The following NDUFAF6 variants were observed in gnomAD, a reference collection of about 807,000 sequenced individuals.
The protein encoded by NDUFAF6 is NADH:ubiquinone oxidoreductase complex assembly factor 6, also known as NADH dehydrogenase (ubiquinone) complex I, assembly factor 6.
In NDUFAF6, 45 loss-of-function variants were observed where a neutral mutation model predicts 40.8. That is an observed-to-expected ratio of 1.10 (90% confidence interval 0.87 to 1.42). The LOEUF is 1.42. Among genes scored for constraint, NDUFAF6 ranks in the 40% most tolerant of loss-of-function variants. The pLI is 0.00. For missense variants in NDUFAF6, 435 were observed against 418.5 expected (o/e 1.04, Z -0.34); for synonymous variants, 185 against 155.9 (o/e 1.19, Z -1.39).
chr8:94,955,320 C>T (rs937753779), upstream of NDUFAF6, among the ~76,000 whole-genome samples: 4 of 152,204 alleles, frequency 2.6e-5, no homozygotes, highest in Non-Finnish European at 5.9e-5. Flanking sequence ...CACAGAAAGG[C>T]AAGAAAACGT....
chr8:95,109,777 G>A (rs909232271), intron 4 of NDUFAF6, among the ~76,000 whole-genome samples: 10 of 152,006 alleles, frequency 6.6e-5, no homozygotes, highest in African/African-American at 2.4e-4. Context: ...ACCTAGACTA[G>A]CCCCTGCCTG....
intron 1 of NDUFAF6, among the ~76,000 whole-genome samples, chr8:94,936,699 G>C (rs1219316478): frequency 1.3e-5 from 2 of 152,040 alleles, no homozygotes; most frequent in African/African-American, 2.4e-5. Context: ...GAAATTTGAG[G>C]GGTATATTAG....
At chr8:94,972,885 A>AAGAC (rs1462982347) in intron 1 of NDUFAF6, among the ~76,000 whole-genome samples, 4 of 152,082 alleles carry the variant, frequency 2.6e-5, no homozygotes, top group Non-Finnish European at 4.4e-5. Context: ...ACGACAGAGC[A>AAGAC]AGACACTGTC....
intron 1 of NDUFAF6, among the ~76,000 whole-genome samples, chr8:94,904,367 A>C: frequency 1.0e-5 from 1 of 100,106 alleles, no homozygotes; most frequent in Non-Finnish European, 1.8e-5. Context: ...TAGTAAAGAC[A>C]GGGTTTCACC....
chr8:95,060,475 C>G (rs1832544278), downstream of NDUFAF6, among the ~76,000 whole-genome samples: 1 of 152,188 alleles, frequency 6.6e-6, no homozygotes, highest in Non-Finnish European at 1.5e-5. Flanking sequence ...TATTCTTTCT[C>G]TCCTTGTGGT....
chr8:95,107,485 A>C (rs541797886), downstream of NDUFAF6, among the ~76,000 whole-genome samples: 25 of 152,264 alleles, frequency 1.6e-4, 1 homozygote, highest in South Asian at 1.7e-3. Flanking sequence ...TCGGAGGGGT[A>C]GGAGGACAGG....
intron 2 of NDUFAF6, among the ~76,000 whole-genome samples, chr8:95,102,564 C>A (rs1353149108): frequency 6.6e-6 from 1 of 152,172 alleles, no homozygotes; most frequent in Admixed American, 6.5e-5. Flanking sequence ...GTCAGTGGAA[C>A]TTGCTAGAAA....
chr8:94,896,158 C>G (rs1410964747), intron 1 of NDUFAF6, among the ~76,000 whole-genome samples: 3 of 152,000 alleles, frequency 2.0e-5, no homozygotes, highest in African/African-American at 7.2e-5. Context: ...GGAGCGGGGC[C>G]CGGGAACGGC....
At chr8:95,033,537 CAG>C (rs1191210878) in intron 2 of NDUFAF6, among the ~76,000 whole-genome samples, 4 of 152,178 alleles carry the variant, frequency 2.6e-5, no homozygotes, top group African/African-American at 9.7e-5. Context: ...TGACATAAAA[CAG>C]GGTCTGCACT....
chr8:95,029,019 T>G (rs1158890027), intron 1 of NDUFAF6, among the ~76,000 whole-genome samples: 1 of 152,178 alleles, frequency 6.6e-6, no homozygotes, highest in Non-Finnish European at 1.5e-5. Flanking sequence ...ACCTCTTCTT[T>G]TGGTTTATGT....
intron 2 of NDUFAF6, among the ~76,000 whole-genome samples, chr8:94,985,962 C>T (rs1160709755): frequency 6.6e-6 from 1 of 151,716 alleles, no homozygotes; most frequent in Non-Finnish European, 1.5e-5. Flanking sequence ...CAAGCTCTGC[C>T]TCCCAGGTTC....
rs186859027 is a variant in NDUFAF6, at chr8:95,040,071, A to C, written c.421-1499A>C. 2.0e-5 allele frequency among the ~76,000 whole-genome samples: 3 copies of C among 152,200 alleles called. No individual in the cohort carries two copies. In the East Asian group the frequency reaches 5.8e-4, roughly 29 times the overall value. On this transcript the variant is annotated intron_variant, in intron 3 of 8. Transcript: ENST00000396124. Reference sequence around the variant, plus strand: ...CCAGTATAGGATCTGATCTTGGGTCATGTACTTAATTGTCTTGTCTCTGTA... The same window carrying C: ...CCAGTATAGGATCTGATCTTGGGTCCTGTACTTAATTGTCTTGTCTCTGTA...
chr8:94,948,041 T>C lies in NDUFAF6; in HGVS notation c.-799+2422T>C, dbSNP rs557679218. Among the ~76,000 whole-genome samples the C allele has an allele frequency of 5.4e-4, 82 of 152,326 alleles. 1 individual carries two copies. Among genetic ancestry groups the C allele is most frequent in the African/African-American group, 1.5e-3 (61 of 41,574 alleles). Reference sequence around the variant, plus strand: ...CCAAGGGTCACATTGTTCCCCCTTTTCCCAAAACTATTGTGCATTGAGAAA... The same window carrying C: ...CCAAGGGTCACATTGTTCCCCCTTTCCCCAAAACTATTGTGCATTGAGAAA... On this transcript the variant is annotated intron_variant, in intron 2 of 14. Coordinates refer to the NDUFAF6 transcript ENST00000396113.
chr8:94,948,565 TCC>T (rs1306881750), intron 2 of NDUFAF6, among the ~76,000 whole-genome samples: 2 of 152,008 alleles, frequency 1.3e-5, no homozygotes, highest in Admixed American at 1.3e-4. Flanking sequence ...CGGAGCAGGT[TCC>T]CCATAGCCGC....
In NDUFAF6 at chr8:95,058,104, G is replaced by A. The variant is rs1435451031; in HGVS notation, c.*167G>A. 1 of 1,450,136 alleles carries A rather than the reference G, an allele frequency of 6.9e-7. No individual in the cohort carries two copies. Among genetic ancestry groups the A allele is most frequent in the African/African-American group, 1.4e-5 (1 of 70,024 alleles). 89.8% of individuals were successfully genotyped at this position (1,450,136 alleles called of 1,614,324 possible). ...AGTTGCCGTGGGACTAGGGTGCCAAGACTGCTGAGATTCTGGCAGAGGCAC... is the reference window on the plus strand; with the variant it reads ...AGTTGCCGTGGGACTAGGGTGCCAAAACTGCTGAGATTCTGGCAGAGGCAC... On this transcript the variant is annotated 3_prime_UTR_variant, in exon 9 of 9. Transcript: ENST00000396124.
intron 8 of NDUFAF6, among the ~76,000 whole-genome samples, chr8:95,053,733 C>G (rs1052968139): frequency 6.6e-6 from 1 of 151,560 alleles, no homozygotes; most frequent in African/African-American, 2.4e-5. Flanking sequence ...TCAAGTGATT[C>G]TCAGGCCTCA....
At chr8:94,990,103 T>C (rs1024499137) in intron 2 of NDUFAF6, among the ~76,000 whole-genome samples, 2 of 152,128 alleles carry the variant, frequency 1.3e-5, no homozygotes, top group African/African-American at 4.8e-5. Flanking sequence ...TTGTTATGAG[T>C]CAAGGAAAGG....
At chr8:95,101,321 A>G (rs1246053602) in intron 2 of NDUFAF6, 1 of 152,150 alleles carries the variant, frequency 6.6e-6, no homozygotes, top group Non-Finnish European at 1.5e-5. Flanking sequence ...TGCAAGCATA[A>G]TAGTAGAATC....
At chr8:95,034,808 G>A (rs1210227008) in intron 2 of NDUFAF6, 1 of 152,370 alleles carries the variant, frequency 6.6e-6, no homozygotes, top group African/African-American at 2.4e-5. Flanking sequence ...GACCTTTTAA[G>A]ACCATGTTCC....
Sources: gnomAD v4.1 joint callset for allele counts (sites outside exome capture counted in the v4.1 genomes callset) on GRCh38, gnomAD v4.1.1 for gene constraint, MANE v1.5 for transcripts, NCBI Gene and HGNC (gene_info 2026-07-23, HGNC 2026-07-21) for gene names.